Variants in ANKRD13C observed in about 807,000 individuals in gnomAD.
ANKRD13C encodes ankyrin repeat domain-containing protein 13C.
In ANKRD13C, 16 loss-of-function variants were observed where a neutral mutation model predicts 65.5. That is an observed-to-expected ratio of 0.24 (90% CI 0.17 to 0.37). The LOEUF is 0.37. Among genes scored for constraint, ANKRD13C ranks in the 10% least tolerant of loss-of-function variants. ANKRD13C has a pLI of 1.00. For missense variants in ANKRD13C, 503 were observed against 655.9 expected, an observed-to-expected ratio of 0.77 and a Z score of 2.55; for synonymous variants, 235 against 238.7, an observed-to-expected ratio of 0.98 and a Z score of 0.14.
At chr1:70,274,494 A>G (rs1558263375) in intron 11 of ANKRD13C, among the ~76,000 whole-genome samples, 8 of 147,134 alleles carry the variant, frequency 5.4e-5, no homozygotes, top group African/African-American at 2.1e-4. Context: ...AAAAAAAAAA[A>G]AAGAAAGAAA....
intron 11 of ANKRD13C, among the ~76,000 whole-genome samples, chr1:70,273,654 A>G (rs1253804474): frequency 6.6e-6 from 1 of 151,986 alleles, no homozygotes; most frequent in East Asian, 1.9e-4. Context: ...ACTTCAAGAC[A>G]CACTCATTTT....
chr1:70,261,416 C>T lies in ANKRD13C; in HGVS notation c.*1301G>A, dbSNP rs909802643. The T allele has an allele frequency of 2.0e-5, 3 of 152,014 alleles. No homozygotes were observed. Among genetic ancestry groups the T allele is most frequent in the African/African-American group, 7.2e-5 (3 of 41,414 alleles). 9.4% of individuals were successfully genotyped at this position (152,014 alleles called of 1,614,324 possible). A position where few individuals can be genotyped will look rare whatever the true frequency, so the allele number is the denominator to read the frequency against. On this transcript the variant is annotated 3_prime_UTR_variant, in exon 13 of 13. Transcript: ENST00000370944. ...CATTCTTGAGACATTCATCAGGATA[C>T]ATTTTAAAAACATCAATCTAAGTAA...
At chr1:70,290,880 A>T (rs1362416516) in intron 9 of ANKRD13C, among the ~76,000 whole-genome samples, 4 of 150,170 alleles carry the variant, frequency 2.7e-5, no homozygotes, top group Admixed American at 2.0e-4. Context: ...TTAGATACAA[A>T]TTTTTTTAAG....
At chr1:70,351,544 C>T (rs1267532006) in intron 1 of ANKRD13C, among the ~76,000 whole-genome samples, 1 of 152,056 alleles carries the variant, frequency 6.6e-6, no homozygotes, top group Non-Finnish European at 1.5e-5. Flanking sequence ...GGATTACAAG[C>T]ATGCACCACC....
At position 70,354,315 on chromosome 1, in the gene ANKRD13C, C is replaced by A; in HGVS notation, c.94G>T (p.Ala32Ser). Residue 32 changes from alanine to serine, a missense_variant, in exon 1 of 13, where the codon GCT (alanine) becomes TCT (serine). Ala to Ser is a moderately conservative substitution (Grantham distance 99). This residue lies in a region of ANKRD13C where 203 missense variants were observed against 177.6 expected (regional missense o/e 1.14). Transcript: ENST00000370944. ...CTGGTAAAGGTACCGCCGAGGGCAG[C>A]CGCCGCTTCCTCATCCCCGGGCTCC... is the stretch of plus-strand genomic sequence containing the variant. ...LLEPGDEEAA[A>S]ALGGTFTRSR... 6.2e-7 allele frequency: 1 copy of A among 1,614,102 alleles called. No individual in the cohort carries two copies. Among genetic ancestry groups the A allele is most frequent in the Non-Finnish European group, 8.5e-7 (1 of 1,180,040 alleles).
chr1:70,353,888 T>A (rs1572200077), intron 1 of ANKRD13C, 91 bp downstream of exon 1: 3 of 1,411,322 alleles, frequency 2.1e-6, no homozygotes, highest in South Asian at 3.4e-5. Context: ...AAGAAGAGTC[T>A]GCTGGAGGGG....
intron 9 of ANKRD13C, 196 bp downstream of exon 9, chr1:70,292,192 T>C (rs570202416): frequency 1.9e-5 from 8 of 420,508 alleles, no homozygotes; most frequent in Non-Finnish European, 2.9e-5. Context: ...AAAGTACAGA[T>C]TCACAAAAAA....
chr1:70,346,984 C>T (rs1682555430), intron 1 of ANKRD13C, among the ~76,000 whole-genome samples: 2 of 147,936 alleles, frequency 1.4e-5, no homozygotes, highest in Middle Eastern at 3.6e-3. Context: ...CCCAGCTACT[C>T]GGGAGGCTGA....
chr1:70,267,811 T>C (rs1678696671), intron 12 of ANKRD13C, among the ~76,000 whole-genome samples: 1 of 152,134 alleles, frequency 6.6e-6, no homozygotes, highest in Non-Finnish European at 1.5e-5. Context: ...TAGGTATACA[T>C]TATTGTGTGT....
At chr1:70,297,786 G>A (rs1170171061) in intron 7 of ANKRD13C, among the ~76,000 whole-genome samples, 4 of 150,192 alleles carry the variant, frequency 2.7e-5, no homozygotes, top group African/African-American at 4.9e-5. Flanking sequence ...GGTGGCACGC[G>A]CCTGTAGTCC....
intron 2 of ANKRD13C, among the ~76,000 whole-genome samples, chr1:70,326,158 G>C (rs556897954): frequency 2.9e-4 from 42 of 146,296 alleles, no homozygotes; most frequent in Non-Finnish European, 5.1e-4. Flanking sequence ...TTGAACCCGG[G>C]AGGTGGAGGT....
At chr1:70,305,919 T>C (rs756277095) in intron 6 of ANKRD13C, 2 of 160,800 alleles carry the variant, frequency 1.2e-5, no homozygotes, top group Non-Finnish European at 2.7e-5. Flanking sequence ...ATCTTCTTAA[T>C]ATTACATCAA....
intron 2 of ANKRD13C, among the ~76,000 whole-genome samples, chr1:70,327,248 T>C (rs1681583272): frequency 6.6e-6 from 1 of 152,224 alleles, no homozygotes; most frequent in African/African-American, 2.4e-5. Context: ...CAATGTGATA[T>C]ATGTAAAGTT....
chr1:70,309,482 G>A (rs1221611922), intron 5 of ANKRD13C, among the ~76,000 whole-genome samples: 1 of 149,694 alleles, frequency 6.7e-6, no homozygotes, highest in Non-Finnish European at 1.5e-5. Flanking sequence ...ACTTTGGGAG[G>A]CCGAGGCGGG....
intron 9 of ANKRD13C, among the ~76,000 whole-genome samples, chr1:70,278,103 C>A (rs1679219901): frequency 6.6e-6 from 1 of 151,100 alleles, no homozygotes; most frequent in Admixed American, 6.6e-5. Flanking sequence ...GCGGGAGGAT[C>A]ACTTGAGACC....
chr1:70,295,341 G>A (rs1458995752), intron 8 of ANKRD13C, among the ~76,000 whole-genome samples: 1 of 151,720 alleles, frequency 6.6e-6, no homozygotes, highest in African/African-American at 2.4e-5. Flanking sequence ...TCCACCTCCC[G>A]GGTTCAAGCG....
At chr1:70,276,954 A>T in intron 9 of ANKRD13C, 110 bp from the exon 10 acceptor site, 3 of 851,108 alleles carry the variant, frequency 3.5e-6, no homozygotes, top group Non-Finnish European at 5.3e-6. Context: ...CAATCTACTT[A>T]ATCTCTTCAA....
intron 8 of ANKRD13C, among the ~76,000 whole-genome samples, chr1:70,295,719 A>G (rs2101292935): frequency 6.6e-6 from 1 of 152,338 alleles, no homozygotes; most frequent in South Asian, 2.1e-4. Flanking sequence ...ATATGTATAG[A>G]ATACAAGAAA....
At chr1:70,280,946 G>A (rs1352128449) in intron 9 of ANKRD13C, among the ~76,000 whole-genome samples, 2 of 152,062 alleles carry the variant, frequency 1.3e-5, no homozygotes, top group Middle Eastern at 3.2e-3. Flanking sequence ...AGATCCTTAG[G>A]ATTTTGTGAT....
Sources: allele counts gnomAD v4.1 joint callset (sites outside exome capture counted in the v4.1 genomes callset), GRCh38; gene constraint gnomAD v4.1.1; regional missense constraint gnomAD v4.1.1; transcripts MANE v1.5; gene names NCBI Gene and HGNC (gene_info 2026-07-23, HGNC 2026-07-21).